HDAC9: variants seen among roughly 807,000 people sequenced by gnomAD.
HDAC9 encodes the protein histone deacetylase 9, also known as MEF-2 interacting transcription repressor (MITR) protein.
A neutral mutation model predicts 139.4 loss-of-function variants in HDAC9; 41 were observed. The ratio of observed to expected loss-of-function variants is 0.29; its 90% CI spans 0.23 to 0.38. The LOEUF (loss-of-function observed/expected upper bound fraction) is 0.38, where lower values mean the gene tolerates loss of function less well. Among genes scored for constraint, HDAC9 ranks in the 10% least tolerant of loss-of-function variants. The probability of loss-of-function intolerance (pLI) is 1.00; values close to 1 mark genes in which losing one functional copy is unlikely to be tolerated. For synonymous variants in HDAC9, 517 were observed against 476.2 expected (o/e 1.09, Z -1.12); for missense variants, 1,147 against 1,297.0 (o/e 0.88, Z 1.78).
intron 6 of HDAC9, among the ~76,000 whole-genome samples, chr7:18,606,092 T>C (rs1835420108): frequency 6.6e-6 from 1 of 152,212 alleles, no homozygotes. Flanking sequence ...ACTGACTCCA[T>C]TGGCTTCTGC....
At chr7:18,225,709 C>A (rs1189046048) in intron 2 of HDAC9, among the ~76,000 whole-genome samples, 2 of 152,026 alleles carry the variant, frequency 1.3e-5, no homozygotes, top group East Asian at 3.9e-4. Flanking sequence ...AATTCACTGA[C>A]AGGTTTTTCT....
At chr7:18,257,788 T>C (rs1384835013) in intron 2 of HDAC9, among the ~76,000 whole-genome samples, 3 of 152,238 alleles carry the variant, frequency 2.0e-5, no homozygotes, top group African/African-American at 7.2e-5. Context: ...TTTAGTACTT[T>C]AAAAATACAT....
At chr7:18,318,351 G>C (rs539541582) in intron 1 of HDAC9, among the ~76,000 whole-genome samples, 1 of 152,278 alleles carries the variant, frequency 6.6e-6, no homozygotes, top group African/African-American at 2.4e-5. Context: ...TTCCATCTTG[G>C]TGATCAGCTT....
At chr7:18,527,151 G>A (rs1005442047) in intron 2 of HDAC9, among the ~76,000 whole-genome samples, 1 of 152,026 alleles carries the variant, frequency 6.6e-6, no homozygotes, top group African/African-American at 2.4e-5. Context: ...CTGTAATTAA[G>A]AAGAAAAATG....
intron 21 of HDAC9, among the ~76,000 whole-genome samples, chr7:18,850,066 C>G (rs1450763407): frequency 7.5e-6 from 1 of 134,118 alleles, no homozygotes; most frequent in Non-Finnish European, 1.6e-5. Flanking sequence ...CAACCAATGT[C>G]TTTAAAAGCC....
intron 21 of HDAC9, among the ~76,000 whole-genome samples, chr7:18,839,479 T>C (rs1188730439): frequency 9.9e-5 from 15 of 152,038 alleles, no homozygotes; most frequent in Admixed American, 9.8e-4. Flanking sequence ...AAATGCCTAG[T>C]GAACAACATG....
chr7:18,940,806 C>T (rs1255867727), intron 23 of HDAC9, among the ~76,000 whole-genome samples: 1 of 152,040 alleles, frequency 6.6e-6, no homozygotes, highest in Non-Finnish European at 1.5e-5. Flanking sequence ...AGAAATTTTC[C>T]CAAGAGGTGA....
intron 19 of HDAC9, among the ~76,000 whole-genome samples, chr7:18,834,283 G>A (rs1206281484): frequency 4.0e-5 from 6 of 151,576 alleles, no homozygotes; most frequent in Non-Finnish European, 1.5e-5. Context: ...AAGTATAGCA[G>A]TAATATTCTA....
At chr7:18,490,617 A>T (rs1299657469) in intron 1 of HDAC9, among the ~76,000 whole-genome samples, 1 of 151,968 alleles carries the variant, frequency 6.6e-6, no homozygotes, top group African/African-American at 2.4e-5. Context: ...AGTATCCCTT[A>T]TTCACATAGA....
chr7:18,808,390 T>C (rs1325512276), intron 17 of HDAC9: 4 of 152,198 alleles, frequency 2.6e-5, no homozygotes, highest in African/African-American at 7.2e-5. Flanking sequence ...AAATTGTCTC[T>C]GTTTGAATAC....
chr7:18,269,742 A>G, intron 2 of HDAC9, among the ~76,000 whole-genome samples: 1 of 152,200 alleles, frequency 6.6e-6, no homozygotes, highest in East Asian at 1.9e-4. Flanking sequence ...ATATACGTAT[A>G]TATACATATA....
At chr7:18,610,168 T>C (rs561671834) in intron 6 of HDAC9, among the ~76,000 whole-genome samples, 1 of 152,270 alleles carries the variant, frequency 6.6e-6, no homozygotes, top group Non-Finnish European at 1.5e-5. Flanking sequence ...CCATCAGTGA[T>C]AGACTGGATT....
intron 1 of HDAC9, among the ~76,000 whole-genome samples, chr7:18,415,474 A>G (rs1788966242): frequency 2.0e-5 from 3 of 152,246 alleles, no homozygotes; most frequent in Non-Finnish European, 1.5e-5. Flanking sequence ...TTAGCTACCC[A>G]TAGTTGGATA....
intron 1 of HDAC9, among the ~76,000 whole-genome samples, chr7:18,384,449 AT>A (rs1585523051): frequency 6.6e-6 from 1 of 152,182 alleles, no homozygotes; most frequent in African/African-American, 2.4e-5. Flanking sequence ...TTTCTATATT[AT>A]TTAATTCTGA....
At chr7:18,916,740 T>A (rs1803245077) in intron 22 of HDAC9, among the ~76,000 whole-genome samples, 2 of 151,994 alleles carry the variant, frequency 1.3e-5, no homozygotes, top group Admixed American at 1.3e-4. Context: ...ATTTAATCAA[T>A]ATTCACAAAC....
intron 1 of HDAC9, among the ~76,000 whole-genome samples, chr7:18,401,725 T>A (rs1168075514): frequency 1.3e-5 from 2 of 152,226 alleles, no homozygotes; most frequent in Non-Finnish European, 2.9e-5. Flanking sequence ...GCCTCGTTTT[T>A]ATTTTTCTTC....
At chr7:18,424,976 A>G (rs1789979671) in intron 1 of HDAC9, among the ~76,000 whole-genome samples, 1 of 152,206 alleles carries the variant, frequency 6.6e-6, no homozygotes. Flanking sequence ...ATATTCTATT[A>G]TTGTATATTC....
chr7:18,839,146 A>G (rs953869822), intron 21 of HDAC9, among the ~76,000 whole-genome samples: 2 of 152,068 alleles, frequency 1.3e-5, no homozygotes, highest in African/African-American at 4.8e-5. Context: ...TTTTATGTTC[A>G]ACTAAAATAT....
At position 18,350,822 on chromosome 7, in the gene HDAC9, C is replaced by G. The variant is rs180798325; in HGVS notation, c.-42+60307C>G. 1.4e-4 allele frequency among the ~76,000 whole-genome samples: 21 copies of G among 152,252 alleles called. No homozygotes were observed. The East Asian group carries it at 3.9e-3, about 28-fold the overall frequency. On this transcript the variant is annotated intron_variant, in intron 1 of 3. Transcript: ENST00000413509. ...CAGGTGCTGCCGTGAAGCTGTGACCCCTGTCTAATCCCCATAACGACACTG... is the reference window on the plus strand; with the variant it reads ...CAGGTGCTGCCGTGAAGCTGTGACCGCTGTCTAATCCCCATAACGACACTG...
Sources: allele counts gnomAD v4.1 joint callset (sites outside exome capture counted in the v4.1 genomes callset), GRCh38; gene constraint gnomAD v4.1.1; transcripts MANE v1.5; gene names NCBI Gene and HGNC (gene_info 2026-07-23, HGNC 2026-07-21).